The following ZNF254 variants were observed in gnomAD, a reference collection of about 807,000 sequenced individuals.
The protein encoded by ZNF254 is CTD-2017D11.1.
In ZNF254, 10 loss-of-function variants were observed where a neutral mutation model predicts 12.4. That is an observed-to-expected ratio of 0.80 (90% CI 0.50 to 1.36). The LOEUF is 1.36. Among genes scored for constraint, ZNF254 ranks in the 40% most tolerant of loss-of-function variants. ZNF254 has a pLI of 0.00. For missense variants in ZNF254, 996 were observed against 763.9 expected (o/e 1.30, Z -3.58); for synonymous variants, 305 against 253.4 (o/e 1.20, Z -1.93).
At chr19:24,092,418 C>A (rs1417906452) in intron 1 of ZNF254, among the ~76,000 whole-genome samples, 1 of 151,682 alleles carries the variant, frequency 6.6e-6, no homozygotes, top group African/African-American at 2.4e-5. Context: ...GATCCACCCT[C>A]CCCCCCGGCC....
In ZNF254 at chr19:24,126,279, C is replaced by T. The variant is rs73928543; in HGVS notation, c.279C>T (p.Asp93=). The change falls in exon 4 of 4, where the codon GAC becomes GAT. Residue 93 remains aspartate (D), a synonymous_variant. Transcript: ENST00000357002. ...PPGMCPHFAQ[D]LWPEQGMEDS... ...GTATGTGTCCTCATTTTGCTCAAGA[C>T]CTTTGGCCAGAGCAGGGCATGGAAG... is the stretch of plus-strand genomic sequence containing the variant. 2,563 of 1,514,248 alleles carry T rather than the reference C, an allele frequency of 1.7e-3. 34 individuals carry two copies. In the African/African-American group the frequency reaches 0.032, roughly 19 times the overall value. 93.8% of individuals were successfully genotyped at this position (1,514,248 alleles called of 1,614,324 possible).
intron 3 of ZNF254, among the ~76,000 whole-genome samples, chr19:24,122,988 T>C (rs1250795640): frequency 6.6e-6 from 1 of 151,880 alleles, no homozygotes; most frequent in African/African-American, 2.4e-5. Context: ...ATTGTTCCTT[T>C]TATTTTTTGA....
chr19:24,091,594 G>A (rs1015876784), intron 1 of ZNF254, among the ~76,000 whole-genome samples: 6 of 152,086 alleles, frequency 3.9e-5, no homozygotes, highest in African/African-American at 1.2e-4. Flanking sequence ...CCAGGTTCAA[G>A]TGATTCTCCT....
In ZNF254 at chr19:24,120,980, G is replaced by A. The variant is rs114231731; in HGVS notation, c.254-5274G>A. Reference sequence around the variant, plus strand: ...TCTGAATCTCCTGGTCTTTAGTGTTGTGACAGCTTTGGCCTCTTAAAACTG... The same window carrying A: ...TCTGAATCTCCTGGTCTTTAGTGTTATGACAGCTTTGGCCTCTTAAAACTG... On this transcript the variant is annotated intron_variant, in intron 3 of 3. Transcript: ENST00000357002. Among the ~76,000 whole-genome samples, 912 of 152,054 alleles carry A rather than the reference G, an allele frequency of 6.0e-3. 11 individuals are homozygous for A. The highest frequency in any genetic ancestry group is 0.021 in the African/African-American group (859 of 41,474).
At chr19:24,058,974 G>C (rs1327972370) in intron 2 of ZNF254, among the ~76,000 whole-genome samples, 1 of 152,142 alleles carries the variant, frequency 6.6e-6, no homozygotes, top group Non-Finnish European at 1.5e-5. Flanking sequence ...ACATCTTGTG[G>C]CATACTGCTA....
At chr19:24,105,754 T>G in intron 1 of ZNF254, 186 bp from the exon 2 acceptor site, 1 of 966,068 alleles carries the variant, frequency 1.0e-6, no homozygotes, top group Non-Finnish European at 1.4e-6. Context: ...ATTTTGCCAC[T>G]CTATTTTCTC....
intron 1 of ZNF254, chr19:24,104,076 T>G (rs1358532881): frequency 6.6e-6 from 1 of 152,410 alleles, no homozygotes; most frequent in African/African-American, 2.4e-5. Context: ...GCCAGGCTGC[T>G]GTTGAACTCC....
intron 1 of ZNF254, among the ~76,000 whole-genome samples, chr19:24,087,700 C>T (rs1321962416): frequency 6.6e-6 from 1 of 152,102 alleles, no homozygotes; most frequent in African/African-American, 2.4e-5. Context: ...TTCCCAGGCC[C>T]TCTTTTTTCC....
chr19:24,110,149 T>C (rs1973579345), intron 3 of ZNF254, among the ~76,000 whole-genome samples: 2 of 152,358 alleles, frequency 1.3e-5, no homozygotes, highest in East Asian at 1.9e-4. Flanking sequence ...AAAACACTTT[T>C]GTGATTTGAA....
chr19:24,100,121 A>G (rs577389122), intron 1 of ZNF254, among the ~76,000 whole-genome samples: 2 of 152,294 alleles, frequency 1.3e-5, no homozygotes, highest in South Asian at 4.1e-4. Flanking sequence ...CCAGATTTCT[A>G]CAAACTTTAT....
At chr19:24,041,619 G>C (rs1184958539) in intron 1 of ZNF254, among the ~76,000 whole-genome samples, 7 of 151,756 alleles carry the variant, frequency 4.6e-5, no homozygotes, top group Non-Finnish European at 7.4e-5. Context: ...GCTCCTGTGC[G>C]GCCCGAGCCT....
intron 2 of ZNF254, among the ~76,000 whole-genome samples, chr19:24,055,273 C>T (rs73522440): frequency 0.15 from 20,182 of 135,674 alleles, 1,769 homozygotes; most frequent in Middle Eastern, 0.24. Context: ...GAGATTTTCT[C>T]TTTTTCTTTT....
chr19:24,108,281 C>G (rs992207034), intron 3 of ZNF254, among the ~76,000 whole-genome samples: 1 of 152,310 alleles, frequency 6.6e-6, no homozygotes, highest in Non-Finnish European at 1.5e-5. Context: ...AGGACCCCCC[C>G]AGACTGTGAC....
chr19:24,090,943 A>AGTT (rs1972337372), intron 1 of ZNF254, among the ~76,000 whole-genome samples: 1 of 89,634 alleles, frequency 1.1e-5, no homozygotes. Flanking sequence ...TGGAGGAGTG[A>AGTT]TTTTTTTTTT....
intron 2 of ZNF254, among the ~76,000 whole-genome samples, chr19:24,075,248 T>C (rs1041129580): frequency 6.6e-6 from 1 of 152,180 alleles, no homozygotes; most frequent in African/African-American, 2.4e-5. Flanking sequence ...TTTTGAGTAT[T>C]GCTGGGCCCA....
intron 1 of ZNF254, chr19:24,105,468 A>G: frequency 4.2e-6 from 1 of 237,114 alleles, no homozygotes; most frequent in Non-Finnish European, 8.1e-6. Context: ...GTAGAGATTC[A>G]TTAACTCAGA....
At chr19:24,084,932 C>CTT (rs150066308), upstream of ZNF254, among the ~76,000 whole-genome samples, 2,075 of 119,652 alleles carry the variant, frequency 0.017, 102 homozygotes, top group African/African-American at 0.059. Flanking sequence ...TGACCACAAT[C>CTT]TTTTTTTTTT....
intron 2 of ZNF254, chr19:24,049,336 TGCTGGGATTACAGGC>T (rs1970559681): frequency 6.6e-6 from 1 of 151,162 alleles, no homozygotes; most frequent in African/African-American, 2.4e-5. Flanking sequence ...CCTCCCAAAG[TGCTGGGATTACAGGC>T]ATGCACCACC....
At chr19:24,116,621 C>G (rs58023128) in intron 3 of ZNF254, among the ~76,000 whole-genome samples, 1 of 151,842 alleles carries the variant, frequency 6.6e-6, no homozygotes, top group East Asian at 1.9e-4. Context: ...AAGTTTTTAA[C>G]TTCTTTGCCT....
Sources: gnomAD v4.1 joint callset for allele counts (sites outside exome capture counted in the v4.1 genomes callset) on GRCh38, gnomAD v4.1.1 for gene constraint, MANE v1.5 for transcripts, NCBI Gene and HGNC (gene_info 2026-07-23, HGNC 2026-07-21) for gene names.